The following RUNDC3B variants were observed in gnomAD, a reference collection of about 807,000 sequenced individuals.
RUNDC3B encodes RUN domain-containing protein 3B.
In RUNDC3B, 33 loss-of-function variants were observed where a neutral mutation model predicts 58.4. The observed-to-expected ratio is 0.56, with a 90% CI of 0.43 to 0.75. RUNDC3B has a LOEUF of 0.75. RUNDC3B is among the 30% of genes least tolerant of loss of function. The probability of loss-of-function intolerance (pLI) is 0.00; values close to 1 mark genes in which losing one functional copy is unlikely to be tolerated. For missense variants in RUNDC3B, 501 were observed against 535.7 expected (o/e 0.94, Z 0.64); for synonymous variants, 193 against 195.2 (o/e 0.99, Z 0.10).
chr7:87,799,881 G>A (rs551037049), intron 8 of RUNDC3B, among the ~76,000 whole-genome samples: 93 of 121,530 alleles, frequency 7.7e-4, no homozygotes, highest in Admixed American at 1.3e-3. Flanking sequence ...GCGAGACTCC[G>A]TCTCAAAAAA....
intron 8 of RUNDC3B, among the ~76,000 whole-genome samples, chr7:87,793,180 A>G (rs748470265): frequency 2.6e-5 from 4 of 152,150 alleles, no homozygotes; most frequent in Admixed American, 6.5e-5. Flanking sequence ...ATCAATAACT[A>G]GTAATGAGAT....
At chr7:87,717,311 G>T (rs1287971355) in intron 4 of RUNDC3B, among the ~76,000 whole-genome samples, 2 of 151,796 alleles carry the variant, frequency 1.3e-5, no homozygotes, top group Non-Finnish European at 2.9e-5. Context: ...AAATTTTCAT[G>T]TTAAACAAGA....
chr7:87,700,561 C>A lies in RUNDC3B; in HGVS notation c.372+7C>A. 2 of 1,600,374 alleles carry A rather than the reference C, an allele frequency of 1.2e-6. No individual in the cohort carries two copies. The highest frequency in any genetic ancestry group is 1.2e-5 in the South Asian group (1 of 86,254). ...CAGTTCTTCTAGAGCTAAGGTAAGA[C>A]ATTGGTCAGAGACTCGTTTCTATTT... On this transcript the variant is annotated splice_region_variant and intron_variant, in intron 3 of 10. Transcript: ENST00000394654.
At chr7:87,791,859 CT>C (rs979024808) in intron 8 of RUNDC3B, among the ~76,000 whole-genome samples, 1 of 152,022 alleles carries the variant, frequency 6.6e-6, no homozygotes, top group Non-Finnish European at 1.5e-5. Flanking sequence ...GAGTAATCCC[CT>C]TCTTATAGAT....
chr7:87,632,980 A>G (rs1234927406), intron 1 of RUNDC3B, among the ~76,000 whole-genome samples: 1 of 152,214 alleles, frequency 6.6e-6, no homozygotes, highest in Non-Finnish European at 1.5e-5. Flanking sequence ...TAGTGTGATA[A>G]GCACGGTGGA....
intron 2 of RUNDC3B, among the ~76,000 whole-genome samples, chr7:87,662,272 C>CG (rs1730016840): frequency 6.6e-6 from 1 of 151,934 alleles, no homozygotes; most frequent in Non-Finnish European, 1.5e-5. Flanking sequence ...CTCACTTGTC[C>CG]GTTTTTGCTT....
At chr7:87,761,627 T>C (rs1225901292) in intron 6 of RUNDC3B, among the ~76,000 whole-genome samples, 1 of 151,966 alleles carries the variant, frequency 6.6e-6, no homozygotes, top group African/African-American at 2.4e-5. Context: ...AATGGAGTAT[T>C]ACTCAGCCTT....
intron 6 of RUNDC3B, among the ~76,000 whole-genome samples, chr7:87,741,890 G>C (rs1461525838): frequency 1.3e-5 from 2 of 152,030 alleles, no homozygotes; most frequent in Non-Finnish European, 2.9e-5. Flanking sequence ...CTGAGATTTT[G>C]AAACTATAAT....
chr7:87,767,812 G>A (rs1009339376), intron 6 of RUNDC3B, among the ~76,000 whole-genome samples: 3 of 152,130 alleles, frequency 2.0e-5, no homozygotes, highest in South Asian at 2.1e-4. Context: ...TCCTAGGCAG[G>A]TAGGAATGCA....
intron 10 of RUNDC3B, among the ~76,000 whole-genome samples, chr7:87,826,223 C>A (rs751515846): frequency 3.9e-5 from 6 of 151,984 alleles, no homozygotes; most frequent in Non-Finnish European, 5.9e-5. Flanking sequence ...GATTTAATTA[C>A]GGGGGCAGAT....
At chr7:87,673,034 A>G (rs1349612183) in intron 2 of RUNDC3B, among the ~76,000 whole-genome samples, 2 of 152,186 alleles carry the variant, frequency 1.3e-5, no homozygotes, top group Non-Finnish European at 2.9e-5. Context: ...AGAATGCTGC[A>G]TTTAGGACCC....
intron 6 of RUNDC3B, among the ~76,000 whole-genome samples, chr7:87,749,550 G>C (rs768584499): frequency 4.6e-5 from 7 of 151,998 alleles, no homozygotes; most frequent in Non-Finnish European, 1.0e-4. Context: ...TATCTTAATT[G>C]TCATAAAGAA....
At chr7:87,645,740 C>A (rs917098608) in intron 1 of RUNDC3B, among the ~76,000 whole-genome samples, 1 of 152,050 alleles carries the variant, frequency 6.6e-6, no homozygotes, top group Non-Finnish European at 1.5e-5. Flanking sequence ...ATCTTAGTTA[C>A]TGTGTTATGA....
chr7:87,659,579 C>G (rs1824484052), intron 2 of RUNDC3B, among the ~76,000 whole-genome samples: 1 of 152,016 alleles, frequency 6.6e-6, no homozygotes, highest in East Asian at 1.9e-4. Flanking sequence ...TCTCCACCAC[C>G]AAAGATAATT....
intron 2 of RUNDC3B, among the ~76,000 whole-genome samples, chr7:87,672,796 GC>G (rs1193982442): frequency 6.6e-6 from 1 of 152,128 alleles, no homozygotes; most frequent in East Asian, 1.9e-4. Context: ...GCTTCCCTGG[GC>G]AGGGGAGGTT....
intron 9 of RUNDC3B, among the ~76,000 whole-genome samples, chr7:87,813,491 AT>A (rs1187034004): frequency 6.6e-6 from 1 of 152,068 alleles, no homozygotes; most frequent in Non-Finnish European, 1.5e-5. Flanking sequence ...TCTATATATA[AT>A]TTTTTTAAAT....
At chr7:87,725,016 T>C (rs1831133379) in intron 4 of RUNDC3B, among the ~76,000 whole-genome samples, 1 of 152,176 alleles carries the variant, frequency 6.6e-6, no homozygotes, top group Admixed American at 6.6e-5. Context: ...TGACTCTTGC[T>C]AGTCAAAGCC....
intron 4 of RUNDC3B, among the ~76,000 whole-genome samples, chr7:87,737,781 G>A (rs1247389810): frequency 6.6e-6 from 1 of 151,496 alleles, no homozygotes; most frequent in Non-Finnish European, 1.5e-5. Context: ...TTTTTTCAGT[G>A]GAATTATTGA....
intron 1 of RUNDC3B, among the ~76,000 whole-genome samples, chr7:87,641,721 T>G (rs1293136881): frequency 2.6e-4 from 40 of 152,228 alleles, no homozygotes; most frequent in Non-Finnish European, 4.4e-5. Context: ...AAATATTTTA[T>G]GAAAGAAAGA....
Sources: allele counts gnomAD v4.1 joint callset (sites outside exome capture counted in the v4.1 genomes callset), GRCh38; gene constraint gnomAD v4.1.1; transcripts MANE v1.5; gene names NCBI Gene and HGNC (gene_info 2026-07-23, HGNC 2026-07-21).